SNX24: variants seen among roughly 807,000 people sequenced by gnomAD.
SNX24 encodes the protein sorting nexin-24.
A neutral mutation model predicts 28.7 loss-of-function variants in SNX24; 22 were observed. That is an observed-to-expected ratio of 0.77 (90% CI 0.55 to 1.10). The LOEUF is 1.10. SNX24 is among the 50% of genes least tolerant of loss of function. SNX24 has a pLI of 0.00. For synonymous variants in SNX24, 69 were observed against 71.5 expected (o/e 0.96, Z 0.18); for missense variants, 221 against 201.1 (o/e 1.10, Z -0.60).
chr5:122,933,031 C>T (rs1023623322), intron 1 of SNX24, among the ~76,000 whole-genome samples: 1 of 151,916 alleles, frequency 6.6e-6, no homozygotes, highest in African/African-American at 2.4e-5. Context: ...TTAATTTTAC[C>T]TTGTTGGGTT....
chr5:123,021,591 G>T (rs1384290457), intron 5 of SNX24, among the ~76,000 whole-genome samples: 1 of 152,150 alleles, frequency 6.6e-6, no homozygotes, highest in East Asian at 1.9e-4. Flanking sequence ...TTCCTGATAA[G>T]GACTGCTTCC....
intron 5 of SNX24, among the ~76,000 whole-genome samples, chr5:123,017,710 T>C (rs1762703958): frequency 6.6e-6 from 1 of 152,080 alleles, no homozygotes; most frequent in South Asian, 2.1e-4. Context: ...CTCATGGTGA[T>C]GAATGAGTCT....
intron 3 of SNX24, among the ~76,000 whole-genome samples, chr5:122,952,871 A>G (rs1760014786): frequency 6.6e-6 from 1 of 152,154 alleles, no homozygotes; most frequent in Admixed American, 6.5e-5. Flanking sequence ...AAACTGTTCC[A>G]TAAAGCACAG....
intron 1 of SNX24, among the ~76,000 whole-genome samples, chr5:122,921,457 G>A (rs1437078699): frequency 1.3e-5 from 2 of 152,112 alleles, no homozygotes; most frequent in South Asian, 2.1e-4. Flanking sequence ...TATTCAAAAA[G>A]TTTCTTTTAA....
intron 3 of SNX24, among the ~76,000 whole-genome samples, chr5:122,968,161 A>G (rs1760795704): frequency 6.6e-6 from 1 of 152,166 alleles, no homozygotes; most frequent in Non-Finnish European, 1.5e-5. Flanking sequence ...CAAAACCAAC[A>G]TGGTGAAACT....
chr5:122,969,289 A>G (rs1760849442), intron 3 of SNX24, among the ~76,000 whole-genome samples: 1 of 152,150 alleles, frequency 6.6e-6, no homozygotes, highest in African/African-American at 2.4e-5. Context: ...GGCTAGATGA[A>G]GGGCCTCACT....
chr5:123,025,974 A>T lies in SNX24; in HGVS notation n.384-3264A>T, dbSNP rs761768432. The T allele has an allele frequency of 7.6e-6, 12 of 1,583,112 alleles. 1 individual carries two copies. Among genetic ancestry groups the T allele is most frequent in the Middle Eastern group, 3.4e-4 (2 of 5,964 alleles). On this transcript the variant is annotated intron_variant and non_coding_transcript_variant, in intron 5 of 5. Coordinates refer to the SNX24 transcript ENST00000502387. ...CTCACCATAGATGCTCACACCTGAG[A>T]CAAAACAAGGAAGAAAGTCAACAGA...
intron 5 of SNX24, among the ~76,000 whole-genome samples, chr5:123,026,902 A>G (rs1377934082): frequency 6.6e-6 from 1 of 152,122 alleles, no homozygotes; most frequent in African/African-American, 2.4e-5. Flanking sequence ...CAGTTAGAAA[A>G]CCCAGAAGTA....
chr5:122,872,538 T>C (rs528277873), intron 1 of SNX24, among the ~76,000 whole-genome samples: 12 of 152,274 alleles, frequency 7.9e-5, no homozygotes, highest in African/African-American at 2.9e-4. Context: ...AATCTGTGAA[T>C]GCTCAGGTCC....
chr5:122,883,072 C>T (rs1756551977), intron 1 of SNX24, among the ~76,000 whole-genome samples: 1 of 152,038 alleles, frequency 6.6e-6, no homozygotes, highest in South Asian at 2.1e-4. Context: ...GATGAATCAG[C>T]GTGGCTAGGG....
intron 1 of SNX24, among the ~76,000 whole-genome samples, chr5:122,875,928 G>T (rs1216815201): frequency 6.6e-6 from 1 of 152,174 alleles, no homozygotes; most frequent in African/African-American, 2.4e-5. Context: ...GGCCTTATTA[G>T]CCCTGCATGG....
At chr5:122,982,114 G>A (rs1417931882) in intron 3 of SNX24, among the ~76,000 whole-genome samples, 2 of 152,190 alleles carry the variant, frequency 1.3e-5, no homozygotes, top group African/African-American at 4.8e-5. Flanking sequence ...AGCCTTTTCT[G>A]TATTAATTTT....
At chr5:123,013,267 C>T (rs1762624571), downstream of SNX24, among the ~76,000 whole-genome samples, 1 of 152,188 alleles carries the variant, frequency 6.6e-6, no homozygotes, top group Non-Finnish European at 1.5e-5. Context: ...CAGATGTAAT[C>T]CTTGCCTTCT....
At chr5:123,022,954 C>T (rs1207385987) in intron 5 of SNX24, among the ~76,000 whole-genome samples, 1 of 152,106 alleles carries the variant, frequency 6.6e-6, no homozygotes, top group East Asian at 1.9e-4. Flanking sequence ...CAGATGTGCA[C>T]CAACATGACC....
intron 5 of SNX24, 57 bp from the exon 6 acceptor site, chr5:123,001,883 T>G (rs1203385793): frequency 7.0e-7 from 1 of 1,420,132 alleles, no homozygotes; most frequent in African/African-American, 1.4e-5. Flanking sequence ...TAGTTTGTAG[T>G]GTTTTCTGTT....
intron 3 of SNX24, among the ~76,000 whole-genome samples, chr5:122,972,966 T>C (rs1761017615): frequency 6.6e-6 from 1 of 152,204 alleles, no homozygotes; most frequent in South Asian, 2.1e-4. Flanking sequence ...CCTCCATCCC[T>C]GACACCATGG....
chr5:122,995,347 C>T (rs1762017029), intron 3 of SNX24, among the ~76,000 whole-genome samples: 1 of 152,206 alleles, frequency 6.6e-6, no homozygotes. Flanking sequence ...TTTCCACTGC[C>T]TGGTTCCATT....
chr5:122,912,095 C>T (rs1293724859), intron 1 of SNX24, among the ~76,000 whole-genome samples: 3 of 130,900 alleles, frequency 2.3e-5, no homozygotes, highest in Admixed American at 1.6e-4. Flanking sequence ...ATTCTTCCTA[C>T]CCATGAGCAT....
chr5:122,984,105 A>G (rs1185403906), intron 3 of SNX24, among the ~76,000 whole-genome samples: 1 of 152,208 alleles, frequency 6.6e-6, no homozygotes, highest in Non-Finnish European at 1.5e-5. Context: ...TCACAGACAC[A>G]GATCCATCAC....
Sources: allele counts gnomAD v4.1 joint callset (sites outside exome capture counted in the v4.1 genomes callset), GRCh38; gene constraint gnomAD v4.1.1; transcripts MANE v1.5; gene names NCBI Gene and HGNC (gene_info 2026-07-23, HGNC 2026-07-21).